PTPRB: variants seen among roughly 807,000 people sequenced by gnomAD.
PTPRB encodes the protein receptor-type tyrosine-protein phosphatase beta.
Under a neutral mutation model 238.1 loss-of-function variants are expected in PTPRB, and 97 were observed. The ratio of observed to expected loss-of-function variants is 0.41; its 90% CI spans 0.35 to 0.48. PTPRB has a LOEUF of 0.48. Among genes scored for constraint, PTPRB ranks in the 20% least tolerant of loss-of-function variants. The probability of loss-of-function intolerance (pLI) is 0.30; values close to 1 mark genes in which losing one functional copy is unlikely to be tolerated. For synonymous variants in PTPRB, 970 were observed against 995.4 expected, an observed-to-expected ratio of 0.97 and a Z score of 0.48; for missense variants, 2,292 against 2,681.9, an observed-to-expected ratio of 0.85 and a Z score of 3.21.
chr12:70,599,717 G>A (rs1045856996), intron 4 of PTPRB, among the ~76,000 whole-genome samples: 6 of 152,204 alleles, frequency 3.9e-5, no homozygotes, highest in South Asian at 2.1e-4. Context: ...CAGGCTTGAC[G>A]TCAACACAAT....
chr12:70,620,730 G>A (rs1884891785), intron 3 of PTPRB, among the ~76,000 whole-genome samples: 1 of 152,122 alleles, frequency 6.6e-6, no homozygotes, highest in East Asian at 1.9e-4. Flanking sequence ...TGGAACTGGA[G>A]GCCATTATCT....
intron 2 of PTPRB, among the ~76,000 whole-genome samples, chr12:70,622,952 G>C (rs562277951): frequency 2.7e-5 from 4 of 148,020 alleles, no homozygotes; most frequent in Admixed American, 6.7e-5. Flanking sequence ...AGAATTTAGG[G>C]GGGGGGTCAC....
At chr12:70,570,938 C>G in intron 13 of PTPRB, 88 bp downstream of exon 13, 1 of 1,441,282 alleles carries the variant, frequency 6.9e-7, no homozygotes. Context: ...TTTTATCCCT[C>G]CAAATGCTCA....
At chr12:70,559,033 T>A in intron 18 of PTPRB, 1 of 485,872 alleles carries the variant, frequency 2.1e-6, no homozygotes, top group Non-Finnish European at 3.6e-6. Context: ...TCTCTTGTAT[T>A]GGGTCAGATT....
chr12:70,609,960 G>A, intron 3 of PTPRB: 2 of 525,036 alleles, frequency 3.8e-6, no homozygotes, highest in East Asian at 4.0e-5. Context: ...ACGCGCAGGG[G>A]CCACTGCGGC....
chr12:70,625,072 C>T (rs1435359706), intron 2 of PTPRB, among the ~76,000 whole-genome samples: 3 of 152,100 alleles, frequency 2.0e-5, no homozygotes, highest in Admixed American at 6.6e-5. Flanking sequence ...TTTAAAGCAT[C>T]CCATACCAAG....
rs1361314783 is a variant in PTPRB at position 70,552,891 on chromosome 12, T to A, written c.5273A>T (p.Asn1758Ile). 1 of 1,613,906 alleles carries A rather than the reference T, an allele frequency of 6.2e-7. No individual in the cohort carries two copies. Among genetic ancestry groups the A allele is most frequent in the Non-Finnish European group, 8.5e-7 (1 of 1,179,868 alleles). The change falls in exon 21 of 34, where the codon AAC becomes ATC. Residue 1758 changes from asparagine (N) to isoleucine (I), a missense_variant. This residue lies in a region of PTPRB where 683 missense variants were observed against 862.0 expected (regional missense o/e 0.79). Coordinates refer to ENST00000334414, the MANE Select transcript of PTPRB (RefSeq NM_001109754.4). ...AAGCTTAATGTTAAAACTCTTGGAGTTGCTGTTAGGATTTTCGGCACATTT... is the reference window on the plus strand; with the variant it reads ...AAGCTTAATGTTAAAACTCTTGGAGATGCTGTTAGGATTTTCGGCACATTT... ...ASKCAENPNS[N>I]SKSFNIKLGA...
At chr12:70,573,490 T>TTTTTC (rs200710957) in intron 11 of PTPRB, among the ~76,000 whole-genome samples, 5 of 144,704 alleles carry the variant, frequency 3.5e-5, no homozygotes, top group African/African-American at 1.3e-4. Context: ...CATGGTTTCT[T>TTTTTC]TTTTCTTTTC....
At chr12:70,548,346 TCACACACACACACA>T (rs56848578) in intron 21 of PTPRB, among the ~76,000 whole-genome samples, 9 of 97,170 alleles carry the variant, frequency 9.3e-5, no homozygotes, top group East Asian at 5.6e-4. Context: ...TCTCTCTCTC[TCACACACACACACA>T]CACACACACA....
At chr12:70,525,520 G>A (rs1437957299) in intron 32 of PTPRB, 1 of 152,178 alleles carries the variant, frequency 6.6e-6, no homozygotes, top group East Asian at 1.9e-4. Context: ...AACTACAAGG[G>A]TTACATAGCG....
chr12:70,631,939 G>A (rs1885472315), intron 2 of PTPRB, among the ~76,000 whole-genome samples: 1 of 152,162 alleles, frequency 6.6e-6, no homozygotes, highest in South Asian at 2.1e-4. Context: ...AACAGATGCT[G>A]GAGAGGATGT....
At position 70,622,086 on chromosome 12, in the gene PTPRB, T is replaced by A. The variant is rs536117048; in HGVS notation, c.708+304A>T. On this transcript the variant is annotated intron_variant, in intron 3 of 33. Coordinates refer to ENST00000334414, the MANE Select transcript of PTPRB (RefSeq NM_001109754.4). Reference sequence around the variant, plus strand: ...GCAGGGCACTGATTTCAATTTCTATTTTCTGGTTTCAGGACATGTGTAACA... The same window carrying A: ...GCAGGGCACTGATTTCAATTTCTATATTCTGGTTTCAGGACATGTGTAACA... 2.6e-5 allele frequency among the ~76,000 whole-genome samples: 4 copies of A among 152,348 alleles called. No homozygotes were observed. The South Asian group carries it at 6.2e-4, about 24-fold the overall frequency.
intron 3 of PTPRB, among the ~76,000 whole-genome samples, chr12:70,610,596 G>A (rs183346060): frequency 6.6e-6 from 1 of 152,114 alleles, no homozygotes; most frequent in Admixed American, 6.5e-5. Context: ...TTGTCCCGGT[G>A]GCATCCCCTG....
At chr12:70,534,379 C>A in intron 31 of PTPRB, 109 bp downstream of exon 31, 1 of 1,298,908 alleles carries the variant, frequency 7.7e-7, no homozygotes, top group Admixed American at 2.3e-5. Context: ...CTGGTTGGTC[C>A]AGACAAATCC....
At chr12:70,595,831 ACTT>A (rs1882961300) in intron 5 of PTPRB, among the ~76,000 whole-genome samples, 1 of 152,182 alleles carries the variant, frequency 6.6e-6, no homozygotes, top group Non-Finnish European at 1.5e-5. Context: ...AAGTCCCATG[ACTT>A]CTTCAAAACC....
intron 32 of PTPRB, among the ~76,000 whole-genome samples, chr12:70,530,259 G>T (rs186414455): frequency 6.6e-6 from 1 of 152,128 alleles, no homozygotes; most frequent in African/African-American, 2.4e-5. Context: ...TAGGAATAAC[G>T]GTTAAGAAAG....
chr12:70,519,951 A>C lies in PTPRB; in HGVS notation c.*1538T>G, dbSNP rs1871491880. 5.2e-6 allele frequency: 1 copy of C among 191,548 alleles called. No homozygotes were observed. 11.9% of individuals were successfully genotyped at this position (191,548 alleles called of 1,614,324 possible). A position where few individuals can be genotyped will look rare whatever the true frequency, so the allele number is the denominator to read the frequency against. On this transcript the variant is annotated 3_prime_UTR_variant, in exon 34 of 34. Transcript: ENST00000334414. ...AGAACTATTTTAGGTATAGTCAATGATTTTCAATTATTATGTCAATTACAT... is the reference window on the plus strand; with the variant it reads ...AGAACTATTTTAGGTATAGTCAATGCTTTTCAATTATTATGTCAATTACAT...
chr12:70,587,074 T>C lies in PTPRB; in HGVS notation c.2244A>G (p.Lys748=), dbSNP rs1021113887. ...FTFTDLVPGR[K]YMATVTSISG... ...TAATACTGGTGACTGTAGCCATGTA[T>C]TTTCGTCCAGGCACCAGGTCAGTAA... Residue 748 remains lysine, a synonymous_variant, in exon 9 of 34, where the codon AAA becomes AAG. Transcript: ENST00000334414. 2 of 1,613,728 alleles carry C rather than the reference T, an allele frequency of 1.2e-6. No homozygotes were observed. Among genetic ancestry groups the C allele is most frequent in the African/African-American group, 2.7e-5 (2 of 74,922 alleles).
intron 8 of PTPRB, 111 bp from the exon 9 acceptor site, chr12:70,587,378 AT>A: frequency 8.0e-7 from 1 of 1,251,954 alleles, no homozygotes; most frequent in Non-Finnish European, 1.1e-6. Context: ...TTCAACATTT[AT>A]TTTATGAATG....
Sources: allele counts gnomAD v4.1 joint callset (sites outside exome capture counted in the v4.1 genomes callset), GRCh38; gene constraint gnomAD v4.1.1; regional missense constraint gnomAD v4.1.1; transcripts MANE v1.5; gene names NCBI Gene and HGNC (gene_info 2026-07-23, HGNC 2026-07-21).